CCDC170: variants seen among roughly 807,000 people sequenced by gnomAD.
CCDC170 encodes the protein coiled-coil domain containing 170.
CCDC170 carries 69 observed loss-of-function variants against 72.6 expected under a neutral mutation model. The ratio of observed to expected loss-of-function variants is 0.95; its 90% confidence interval spans 0.78 to 1.16. The LOEUF (loss-of-function observed/expected upper bound fraction) is 1.16. CCDC170 is among the 50% of genes most tolerant of loss of function. The probability of loss-of-function intolerance (pLI) is 0.00; values close to 1 mark genes in which losing one functional copy is unlikely to be tolerated. For missense variants in CCDC170, 852 were observed against 832.5 expected, an observed-to-expected ratio of 1.02 and a Z score of -0.29; for synonymous variants, 300 against 303.9, an observed-to-expected ratio of 0.99 and a Z score of 0.13.
chr6:151,593,217 G>T lies in CCDC170; in HGVS notation c.1404G>T (p.Leu468=). 1 of 1,614,152 alleles carries T rather than the reference G, an allele frequency of 6.2e-7. No individual in the cohort carries two copies. Among genetic ancestry groups the T allele is most frequent in the Middle Eastern group, 1.7e-4 (1 of 6,060 alleles). The change falls in exon 8 of 11, where the codon CTG becomes CTT. Residue 468 remains leucine (L), a synonymous_variant. Transcript: ENST00000239374. ...LDVVLARTEQ[L]VRLESNAVIE... Reference sequence around the variant, plus strand: ...TGGTTTTAGCTCGAACAGAGCAGCTGGTTCGTCTTGAGAGCAATGCAGTCA... The same window carrying T: ...TGGTTTTAGCTCGAACAGAGCAGCTTGTTCGTCTTGAGAGCAATGCAGTCA...
At chr6:151,593,311 G>C (rs1163921306) in intron 8 of CCDC170, 31 bp downstream of exon 8, 7 of 1,594,846 alleles carry the variant, frequency 4.4e-6, no homozygotes, top group South Asian at 1.1e-5. Flanking sequence ...CTAGTATTGA[G>C]AGAAGAAATT....
At chr6:151,548,217 A>G (rs1782807875) in intron 4 of CCDC170, 87 bp from the exon 5 acceptor site, 1 of 1,158,218 alleles carries the variant, frequency 8.6e-7, no homozygotes, top group East Asian at 2.6e-5. Flanking sequence ...TTTTCATATG[A>G]TAATGCAGTC....
intron 5 of CCDC170, among the ~76,000 whole-genome samples, chr6:151,548,898 G>C (rs145805986): frequency 0.057 from 4,992 of 87,284 alleles, 277 homozygotes; most frequent in African/African-American, 0.13. Flanking sequence ...TTTTTTGTTT[G>C]TTTGTTTGTT....
intron 7 of CCDC170, among the ~76,000 whole-genome samples, chr6:151,592,499 G>A (rs1329519152): frequency 2.6e-5 from 4 of 152,220 alleles, no homozygotes; most frequent in Admixed American, 6.5e-5. Context: ...AGTAAGGGAT[G>A]TCTTACATGG....
Position 151,571,727 on chromosome 6 carries a change from C to T in CCDC170, c.775-1447C>T, listed in dbSNP as rs540785515. 1.4e-4 allele frequency among the ~76,000 whole-genome samples: 20 copies of T among 146,052 alleles called. No homozygotes were observed. In the South Asian group the frequency reaches 4.6e-3, roughly 33 times the overall value. ...GGGCAATAAGAGTGAAACTCCGTCCCGGGAGAAAAAAAAATCCTCCTTTGG... is the reference window on the plus strand; with the variant it reads ...GGGCAATAAGAGTGAAACTCCGTCCTGGGAGAAAAAAAAATCCTCCTTTGG... On this transcript the variant is annotated intron_variant, in intron 5 of 10. Coordinates refer to ENST00000239374, the MANE Select transcript of CCDC170 (RefSeq NM_025059.4).
At chr6:151,599,771 A>AG (rs1386945436) in intron 9 of CCDC170, among the ~76,000 whole-genome samples, 1 of 152,206 alleles carries the variant, frequency 6.6e-6, no homozygotes, top group East Asian at 1.9e-4. Context: ...CTGTGAGTCA[A>AG]GCATGTGCGG....
At chr6:151,503,955 A>G (rs1016626989) in intron 1 of CCDC170, among the ~76,000 whole-genome samples, 3 of 152,176 alleles carry the variant, frequency 2.0e-5, no homozygotes. Context: ...CAACAGACTA[A>G]ATATACTTGG....
rs115960188 is a variant in CCDC170, at chr6:151,563,244, A to G, written c.775-9930A>G. Among the ~76,000 whole-genome samples the G allele has an allele frequency of 5.0e-3, 759 of 152,294 alleles. 6 individuals carry two copies. Among genetic ancestry groups the G allele is most frequent in the African/African-American group, 0.017 (722 of 41,564 alleles). The stretch of plus-strand genomic sequence containing the variant: ...AGAGCACAAAAAAATGCTATGTCCA[A>G]GTATGTGTTCACTGGCCCCTAGTGG... On this transcript the variant is annotated intron_variant, in intron 5 of 10. Transcript: ENST00000239374.
chr6:151,596,615 G>A (rs1286053936), intron 9 of CCDC170, 38 bp downstream of exon 9: 1 of 1,607,506 alleles, frequency 6.2e-7, no homozygotes, highest in East Asian at 2.2e-5. Context: ...GCTTTTTGCT[G>A]GTTACTGTCA....
intron 5 of CCDC170, among the ~76,000 whole-genome samples, chr6:151,572,603 C>T (rs188789142): frequency 1.4e-5 from 2 of 147,250 alleles, no homozygotes; most frequent in East Asian, 2.0e-4. Context: ...TCAAAGTTTC[C>T]TTCTTTTTTC....
At chr6:151,544,515 G>C in intron 3 of CCDC170, 57 bp from the exon 4 acceptor site, 2 of 1,519,394 alleles carry the variant, frequency 1.3e-6, no homozygotes, top group Non-Finnish European at 9.0e-7. Context: ...GACTTGGTTT[G>C]ATGAATGTTA....
At chr6:151,569,219 G>A (rs901098198) in intron 5 of CCDC170, among the ~76,000 whole-genome samples, 2 of 152,224 alleles carry the variant, frequency 1.3e-5, no homozygotes, top group South Asian at 2.1e-4. Context: ...CTTTTGAGTG[G>A]CAATTTGATC....
At chr6:151,526,190 CTCTT>C (rs1299048879) in intron 1 of CCDC170, among the ~76,000 whole-genome samples, 6 of 148,792 alleles carry the variant, frequency 4.0e-5, no homozygotes, top group African/African-American at 1.2e-4. Context: ...TCTCCTCTCT[CTCTT>C]TCTTTCTTTC....
intron 6 of CCDC170, among the ~76,000 whole-genome samples, chr6:151,582,727 G>A (rs1017979645): frequency 3.3e-5 from 5 of 152,134 alleles, no homozygotes; most frequent in African/African-American, 4.8e-5. Context: ...AGGGGAGCAG[G>A]CATCACATGG....
chr6:151,509,214 CTATCTATG>C (rs59636966), intron 1 of CCDC170, among the ~76,000 whole-genome samples: 11,655 of 134,014 alleles, frequency 0.087, 825 homozygotes, highest in African/African-American at 0.23. Flanking sequence ...TCTCATCTAT[CTATCTATG>C]TATCTATCTA....
chr6:151,587,127 C>G (rs1441788256), intron 7 of CCDC170, among the ~76,000 whole-genome samples: 3 of 152,012 alleles, frequency 2.0e-5, no homozygotes, highest in Admixed American at 2.0e-4. Context: ...CCCCGTGGAG[C>G]TGAGATTGTG....
chr6:151,581,730 G>T (rs946166294), intron 6 of CCDC170, among the ~76,000 whole-genome samples: 2 of 152,170 alleles, frequency 1.3e-5, no homozygotes, highest in African/African-American at 4.8e-5. Context: ...TACATAATAA[G>T]ACTTTAAAGT....
intron 6 of CCDC170, among the ~76,000 whole-genome samples, chr6:151,585,114 C>T (rs1374871415): frequency 6.6e-6 from 1 of 152,064 alleles, no homozygotes. Flanking sequence ...GGTAAACTTG[C>T]ACTCTTGGTT....
intron 1 of CCDC170, among the ~76,000 whole-genome samples, chr6:151,527,370 G>A (rs1295307359): frequency 6.6e-6 from 1 of 151,962 alleles, no homozygotes; most frequent in African/African-American, 2.4e-5. Context: ...ATATTTTCTG[G>A]ATCTCACAGC....
Sources: gnomAD v4.1 joint callset for allele counts (sites outside exome capture counted in the v4.1 genomes callset) on GRCh38, gnomAD v4.1.1 for gene constraint, MANE v1.5 for transcripts, NCBI Gene and HGNC (gene_info 2026-07-23, HGNC 2026-07-21) for gene names.